Variants in ASTN1 observed in about 807,000 individuals in gnomAD.
The protein encoded by ASTN1 is astrotactin 1, also known as astrotactin-1.
In ASTN1, 41 loss-of-function variants were observed where a neutral mutation model predicts 140.7. That is an observed-to-expected ratio of 0.29 (90% CI 0.23 to 0.38). The LOEUF is 0.38. ASTN1 is among the 10% of genes least tolerant of loss of function. The pLI is 1.00. For missense variants in ASTN1, 1,479 were observed against 1,678.8 expected (o/e 0.88, Z 2.08); for synonymous variants, 640 against 652.2 (o/e 0.98, Z 0.29).
chr1:177,042,084 T>C (rs1282494545), intron 2 of ASTN1, among the ~76,000 whole-genome samples: 1 of 152,252 alleles, frequency 6.6e-6, no homozygotes, highest in Non-Finnish European at 1.5e-5. Context: ...TATCACTATC[T>C]GAACCAGGGA....
chr1:177,128,548 TG>T (rs1041927030), intron 1 of ASTN1, among the ~76,000 whole-genome samples: 1 of 152,248 alleles, frequency 6.6e-6, no homozygotes, highest in African/African-American at 2.4e-5. Context: ...TTTTTGAAAT[TG>T]GTGCATGTCT....
Position 176,966,765 on chromosome 1 carries a change from T to C in ASTN1, c.1524-1528A>G, listed in dbSNP as rs192675125. On this transcript the variant is annotated intron_variant, in intron 8 of 22. Coordinates refer to ENST00000361833, the MANE Select transcript of ASTN1 (RefSeq NM_004319.3). ...ACAAATGTCTATAAAATTTATTATTTATTTTATTGTAATGGAGCATTAAAA... is the reference window on the plus strand; with the variant it reads ...ACAAATGTCTATAAAATTTATTATTCATTTTATTGTAATGGAGCATTAAAA... 1.4e-4 allele frequency among the ~76,000 whole-genome samples: 21 copies of C among 151,956 alleles called. No homozygotes were observed. In the East Asian group the frequency reaches 3.9e-3, roughly 28 times the overall value.
rs146078844 is a variant in ASTN1, at chr1:176,950,824, A to G, written c.1888-1473T>C. On this transcript the variant is annotated intron_variant, in intron 11 of 22. Coordinates refer to ENST00000361833, the MANE Select transcript of ASTN1 (RefSeq NM_004319.3). ...CAACAAGTTAACACACTCCTCCAAA[A>G]CCAACACCAAACTAAAGCAAAACTT... 2.2e-3 allele frequency among the ~76,000 whole-genome samples: 341 copies of G among 152,154 alleles called. 1 individual carries two copies. The highest frequency in any genetic ancestry group is 3.8e-3 in the Non-Finnish European group (257 of 68,010).
chr1:177,057,489 T>C (rs929736593), intron 2 of ASTN1, among the ~76,000 whole-genome samples: 1 of 152,200 alleles, frequency 6.6e-6, no homozygotes, highest in African/African-American at 2.4e-5. Flanking sequence ...TAAAAAAGTA[T>C]ACATACAAAA....
chr1:177,036,910 C>A (rs2101986011), intron 2 of ASTN1, among the ~76,000 whole-genome samples: 1 of 152,236 alleles, frequency 6.6e-6, no homozygotes, highest in Non-Finnish European at 1.5e-5. Flanking sequence ...ACCTCCATCT[C>A]CCATGTTCAA....
intron 8 of ASTN1, among the ~76,000 whole-genome samples, chr1:176,993,941 C>T (rs1041939099): frequency 4.5e-4 from 69 of 152,066 alleles, no homozygotes; most frequent in African/African-American, 1.5e-3. Context: ...ATTATAGTTC[C>T]GATGGAGATT....
intron 1 of ASTN1, among the ~76,000 whole-genome samples, chr1:177,127,161 T>C (rs189005): frequency 0.02 from 2,988 of 152,040 alleles, 113 homozygotes; most frequent in African/African-American, 0.067. Context: ...AAAAAGAAAT[T>C]ATTCTTCAAT....
intron 1 of ASTN1, among the ~76,000 whole-genome samples, chr1:177,071,863 G>A (rs1678653907): frequency 6.6e-6 from 1 of 152,188 alleles, no homozygotes; most frequent in East Asian, 1.9e-4. Context: ...TTCAGCCTGA[G>A]AAAGTGGAGT....
chr1:177,150,763 G>A (rs1346633275), intron 1 of ASTN1, among the ~76,000 whole-genome samples: 3 of 152,102 alleles, frequency 2.0e-5, no homozygotes, highest in African/African-American at 7.2e-5. Context: ...AGCTGAATGT[G>A]TTGTGTACTT....
chr1:176,981,154 G>C (rs898018379), intron 8 of ASTN1, among the ~76,000 whole-genome samples: 1 of 133,694 alleles, frequency 7.5e-6, no homozygotes, highest in African/African-American at 2.8e-5. Context: ...AGAGACTGCA[G>C]TGAGCCAAGA....
chr1:176,920,273 G>T (rs150196370), intron 16 of ASTN1, among the ~76,000 whole-genome samples: 2 of 152,242 alleles, frequency 1.3e-5, no homozygotes, highest in Non-Finnish European at 2.9e-5. Context: ...CAGCCCCAGG[G>T]TATGAACTCT....
chr1:177,156,899 A>G (rs1683260490), intron 1 of ASTN1, among the ~76,000 whole-genome samples: 1 of 152,240 alleles, frequency 6.6e-6, no homozygotes, highest in African/African-American at 2.4e-5. Flanking sequence ...CCTTAGCTCC[A>G]GTCTAATCAT....
chr1:177,068,027 G>T (rs2102048180), intron 1 of ASTN1, among the ~76,000 whole-genome samples: 1 of 152,300 alleles, frequency 6.6e-6, no homozygotes, highest in African/African-American at 2.4e-5. Flanking sequence ...TCGGCCTGAA[G>T]TCAGCCAGCA....
At chr1:177,050,893 G>A (rs1365375280) in intron 2 of ASTN1, among the ~76,000 whole-genome samples, 1 of 151,928 alleles carries the variant, frequency 6.6e-6, no homozygotes, top group Non-Finnish European at 1.5e-5. Context: ...AGCATATCCA[G>A]GCATGTCACA....
chr1:177,125,738 A>G (rs227507), intron 1 of ASTN1, among the ~76,000 whole-genome samples: 35,662 of 152,132 alleles, frequency 0.23, 6,648 homozygotes, highest in African/African-American at 0.52. Flanking sequence ...AAAAGTTAGC[A>G]CTAGTACCCT....
chr1:176,884,272 G>A, intron 19 of ASTN1, 67 bp downstream of exon 19: 1 of 1,549,540 alleles, frequency 6.5e-7, no homozygotes, highest in East Asian at 2.3e-5. Context: ...ATGAGGCAGG[G>A]CATTTTTCTT....
intron 1 of ASTN1, among the ~76,000 whole-genome samples, chr1:177,144,220 T>G (rs7531103): frequency 0.27 from 40,150 of 149,932 alleles, 9,019 homozygotes; most frequent in African/African-American, 0.62. Flanking sequence ...TACCAAAACA[T>G]GTCCGGAGAT....
chr1:177,108,364 A>G (rs1274246251), intron 1 of ASTN1, among the ~76,000 whole-genome samples: 4 of 151,368 alleles, frequency 2.6e-5, no homozygotes, highest in African/African-American at 9.7e-5. Context: ...AAAAAAAAAA[A>G]AAGAAAAGAA....
At position 176,863,230 on chromosome 1, in the gene ASTN1, G is replaced by C; in HGVS notation, c.*1054C>G. 2 of 985,874 alleles carry C rather than the reference G, an allele frequency of 2.0e-6. No homozygotes were observed. The highest frequency in any genetic ancestry group is 3.5e-5 in the African/African-American group (2 of 57,362). The allele number at this position is 985,874 out of a possible 1,614,324, so 61.1% of individuals were successfully genotyped here. On this transcript the variant is annotated 3_prime_UTR_variant, in exon 23 of 23. Coordinates refer to ENST00000361833, the MANE Select transcript of ASTN1 (RefSeq NM_004319.3). ...ACGATTTGCAAAACTAGCAACACAA[G>C]CAAATTTAGCAAGGTGGGGATGAAC...
Sources: gnomAD v4.1 joint callset for allele counts (sites outside exome capture counted in the v4.1 genomes callset) on GRCh38, gnomAD v4.1.1 for gene constraint, MANE v1.5 for transcripts, NCBI Gene and HGNC (gene_info 2026-07-23, HGNC 2026-07-21) for gene names.